The following SCN11A variants were observed in gnomAD, a reference collection of about 807,000 sequenced individuals.
The protein encoded by SCN11A is sodium channel protein type 11 subunit alpha.
SCN11A carries 122 observed loss-of-function variants against 162.2 expected under a neutral mutation model. The observed-to-expected ratio is 0.75, with a 90% CI of 0.65 to 0.87. SCN11A has a LOEUF of 0.87. Ranked by LOEUF, SCN11A falls within the 40% of genes least tolerant of loss-of-function variation. The pLI, the probability that SCN11A is intolerant of heterozygous loss-of-function variation, is 0.00. For synonymous variants in SCN11A, 758 were observed against 751.5 expected, an observed-to-expected ratio of 1.01 and a Z score of -0.14; for missense variants, 2,015 against 2,181.6, an observed-to-expected ratio of 0.92 and a Z score of 1.52.
intron 8 of SCN11A, among the ~76,000 whole-genome samples, chr3:38,926,324 T>A (rs1450667689): frequency 6.6e-6 from 1 of 152,202 alleles, no homozygotes; most frequent in Admixed American, 6.5e-5. Context: ...TGTAACCTTG[T>A]AGCAGCCAAA....
chr3:38,980,171 G>A (rs562506276), intron 2 of SCN11A, among the ~76,000 whole-genome samples: 3 of 152,108 alleles, frequency 2.0e-5, no homozygotes, highest in African/African-American at 7.2e-5. Flanking sequence ...GCTGGAGGAG[G>A]CATCAACTTA....
At chr3:38,958,923 A>G (rs1044794463) in intron 3 of SCN11A, among the ~76,000 whole-genome samples, 4 of 152,188 alleles carry the variant, frequency 2.6e-5, no homozygotes, top group African/African-American at 9.7e-5. Context: ...TGGATTATTT[A>G]TGGCCTTCTC....
chr3:39,036,075 G>A (rs770891434), intron 1 of SCN11A, among the ~76,000 whole-genome samples: 23 of 152,238 alleles, frequency 1.5e-4, no homozygotes, highest in Non-Finnish European at 2.6e-4. Flanking sequence ...GATTGGCATA[G>A]TGCGTTATAG....
intron 23 of SCN11A, among the ~76,000 whole-genome samples, chr3:38,873,212 T>A (rs947652752): frequency 1.3e-5 from 2 of 152,184 alleles, no homozygotes; most frequent in Non-Finnish European, 2.9e-5. Context: ...GAGCTTGAGT[T>A]GAATCTGCTT....
At chr3:39,022,575 A>C (rs2031478260) in intron 2 of SCN11A, among the ~76,000 whole-genome samples, 1 of 152,174 alleles carries the variant, frequency 6.6e-6, no homozygotes, top group South Asian at 2.1e-4. Context: ...CCTTACTCAG[A>C]TCCTGAGTTA....
At chr3:38,854,553 G>A (rs749893148) in intron 28 of SCN11A, among the ~76,000 whole-genome samples, 1 of 152,192 alleles carries the variant, frequency 6.6e-6, no homozygotes, top group Non-Finnish European at 1.5e-5. Flanking sequence ...GTGGACTTTT[G>A]CTTCAAGAAC....
chr3:38,872,155 G>T, intron 24 of SCN11A, 38 bp downstream of exon 24: 2 of 1,198,052 alleles, frequency 1.7e-6, no homozygotes, highest in Non-Finnish European at 2.5e-6. Context: ...ACCTTTCTCT[G>T]TTAACTGAAC....
intron 2 of SCN11A, among the ~76,000 whole-genome samples, chr3:38,990,932 A>G (rs948701208): frequency 6.6e-6 from 1 of 152,046 alleles, no homozygotes; most frequent in African/African-American, 2.4e-5. Context: ...AGCAGGAGAC[A>G]CTGCAGGCAC....
At chr3:39,035,886 G>A (rs190472575) in intron 1 of SCN11A, among the ~76,000 whole-genome samples, 24 of 152,238 alleles carry the variant, frequency 1.6e-4, no homozygotes, top group South Asian at 6.2e-4. Flanking sequence ...TGATCCACCC[G>A]CCTTGGCCTT....
intron 3 of SCN11A, among the ~76,000 whole-genome samples, chr3:38,957,883 C>T (rs1053777170): frequency 4.6e-5 from 7 of 152,110 alleles, no homozygotes; most frequent in Admixed American, 2.6e-4. Context: ...GAAGAAATGA[C>T]GGAGGATGAA....
At position 38,926,883 on chromosome 3, in the gene SCN11A, C is replaced by G; in HGVS notation, c.537G>C (p.Leu179Phe). The G allele has an allele frequency of 5.6e-6, 9 of 1,613,096 alleles. No homozygotes were observed. The highest frequency in any genetic ancestry group is 7.6e-6 in the Non-Finnish European group (9 of 1,179,094). The change falls in exon 8 of 30, where the codon TTG becomes TTC. Residue 179 changes from leucine (L) to phenylalanine (F), a missense_variant. Transcript: ENST00000302328. ...IYIFEALIKI[L>F]ARGFILDEFS... is the part of the protein sequence containing the mutation. The stretch of plus-strand genomic sequence containing the variant: ...ACTCATCCAGAATGAAACCTCTTGC[C>G]AATATTTTAATCAAAGCTTCAAAAA...
At chr3:38,986,840 T>C (rs1575348041) in intron 2 of SCN11A, among the ~76,000 whole-genome samples, 1 of 152,182 alleles carries the variant, frequency 6.6e-6, no homozygotes, top group Non-Finnish European at 1.5e-5. Context: ...AGCTTTGTGT[T>C]TGAGGTTTGT....
At chr3:38,893,404 T>C (rs2126114992) in intron 19 of SCN11A, among the ~76,000 whole-genome samples, 1 of 152,198 alleles carries the variant, frequency 6.6e-6, no homozygotes, top group South Asian at 2.1e-4. Context: ...AAACAGACAA[T>C]TCACAATAAA....
chr3:39,022,491 T>C (rs34233149), intron 2 of SCN11A, among the ~76,000 whole-genome samples: 16,789 of 152,182 alleles, frequency 0.11, 985 homozygotes, highest in Middle Eastern at 0.15. Flanking sequence ...CTTTCTTCAG[T>C]TGACACTTCC....
At chr3:38,957,194 TA>T (rs1301227653) in intron 3 of SCN11A, among the ~76,000 whole-genome samples, 7 of 151,346 alleles carry the variant, frequency 4.6e-5, no homozygotes, top group African/African-American at 9.7e-5. Flanking sequence ...AAATAAAACT[TA>T]AAAAAAAATT....
chr3:38,847,153 T>C lies in SCN11A; in HGVS notation c.4917A>G (p.Gln1639=). The change falls in exon 30 of 30, where the codon CAA becomes CAG. Residue 1639 remains glutamine, a synonymous_variant. Transcript: ENST00000302328. ...VWEKFDPEAT[Q]FIKYSALSDF... ...CAGAAAGGGCAGAATATTTGATAAATTGTGTTGCTTCTGGGTCAAACTTTT... is the reference window on the plus strand; with the variant it reads ...CAGAAAGGGCAGAATATTTGATAAACTGTGTTGCTTCTGGGTCAAACTTTT... 2.5e-6 allele frequency: 4 copies of C among 1,614,170 alleles called. No homozygotes were observed. The highest frequency in any genetic ancestry group is 3.4e-6 in the Non-Finnish European group (4 of 1,180,010).
intron 8 of SCN11A, among the ~76,000 whole-genome samples, chr3:38,926,487 C>CTTTT (rs869220907): frequency 6.9e-6 from 1 of 144,098 alleles, no homozygotes; most frequent in East Asian, 2.0e-4. Context: ...AAAACCATGT[C>CTTTT]TTTTTTTTTT....
rs763538567 is a variant in SCN11A, at chr3:38,883,213, A to G, written c.3219+20T>C. 9 of 1,605,454 alleles carry G rather than the reference A, an allele frequency of 5.6e-6. No individual in the cohort carries two copies. In the South Asian group the frequency reaches 1.0e-4, roughly 18 times the overall value. On this transcript the variant is annotated intron_variant, in intron 22 of 29. Coordinates refer to ENST00000302328, the MANE Select transcript of SCN11A (RefSeq NM_001349253.2). ...AGCTGCCCTGATGCCCAATGTCTCC[A>G]CAAGACAATGATGATTTACCAGTGC...
At chr3:38,890,705 GACAGCTTA>G (rs1366587260) in intron 19 of SCN11A, among the ~76,000 whole-genome samples, 2 of 152,242 alleles carry the variant, frequency 1.3e-5, no homozygotes, top group Non-Finnish European at 2.9e-5. Context: ...AAAAGAGGCA[GACAGCTTA>G]ACAGAGAGAT....
Sources: allele counts gnomAD v4.1 joint callset (sites outside exome capture counted in the v4.1 genomes callset), GRCh38; gene constraint gnomAD v4.1.1; transcripts MANE v1.5; gene names NCBI Gene and HGNC (gene_info 2026-07-23, HGNC 2026-07-21).